CNIH3: variants seen among roughly 807,000 people sequenced by gnomAD.
CNIH3 encodes cornichon family AMPA receptor auxiliary protein 3.
CNIH3 carries 14 observed loss-of-function variants against 24.1 expected under a neutral mutation model. The ratio of observed to expected loss-of-function variants is 0.58; its 90% CI spans 0.38 to 0.91. The LOEUF is 0.91. CNIH3 is among the 40% of genes least tolerant of loss of function. CNIH3 has a pLI of 0.00. For missense variants in CNIH3, 178 were observed against 196.8 expected, an observed-to-expected ratio of 0.90 and a Z score of 0.57; for synonymous variants, 68 against 73.8, an observed-to-expected ratio of 0.92 and a Z score of 0.40.
At chr1:224,435,179 G>T in intron 1 of CNIH3, 8 of 986,460 alleles carry the variant, frequency 8.1e-6, no homozygotes, top group Non-Finnish European at 9.6e-6. Flanking sequence ...TCTCCATCAG[G>T]TGCAGAAGGT....
chr1:224,673,958 G>A (rs554974913), intron 1 of CNIH3, among the ~76,000 whole-genome samples: 6 of 152,288 alleles, frequency 3.9e-5, no homozygotes, highest in Admixed American at 2.0e-4. Context: ...CATCATGCAA[G>A]GTAAAGTACA....
intron 1 of CNIH3, among the ~76,000 whole-genome samples, chr1:224,625,912 G>GCGATCCCA (rs747096331): frequency 2.8e-4 from 43 of 152,144 alleles, no homozygotes; most frequent in Non-Finnish European, 4.0e-4. Context: ...CTTCAAGATA[G>GCGATCCCA]CGATCCCACT....
chr1:224,613,645 G>A (rs142251632), upstream of CNIH3, among the ~76,000 whole-genome samples: 71 of 152,264 alleles, frequency 4.7e-4, no homozygotes, highest in African/African-American at 1.6e-3. Flanking sequence ...TCGCAATAAA[G>A]AGAGTGTTCT....
At chr1:224,519,359 A>C (rs372644774) in intron 1 of CNIH3, among the ~76,000 whole-genome samples, 15 of 152,060 alleles carry the variant, frequency 9.9e-5, no homozygotes, top group African/African-American at 3.4e-4. Context: ...TGAGACTTAC[A>C]CTATTGGCTC....
chr1:224,730,606 T>C (rs942572617), intron 4 of CNIH3, 32 bp downstream of exon 4: 1 of 1,375,662 alleles, frequency 7.3e-7, no homozygotes, highest in African/African-American at 1.4e-5. Context: ...ATATCCTTCG[T>C]CTTTTCTGCC....
At chr1:224,683,049 C>G (rs907651600) in intron 2 of CNIH3, among the ~76,000 whole-genome samples, 3 of 152,218 alleles carry the variant, frequency 2.0e-5, no homozygotes, top group African/African-American at 7.2e-5. Context: ...AGTATATGCT[C>G]TCCGGGAGCT....
chr1:224,507,095 G>C (rs1677952052), intron 1 of CNIH3, among the ~76,000 whole-genome samples: 1 of 152,122 alleles, frequency 6.6e-6, no homozygotes, highest in African/African-American at 2.4e-5. Context: ...AAATTCCTGG[G>C]CTTGAGTGAC....
intron 3 of CNIH3, among the ~76,000 whole-genome samples, chr1:224,688,045 A>T (rs1229177081): frequency 6.6e-6 from 1 of 152,186 alleles, no homozygotes; most frequent in Non-Finnish European, 1.5e-5. Context: ...AGGTTTTTTA[A>T]TGTTAAGGAT....
intron 1 of CNIH3, among the ~76,000 whole-genome samples, chr1:224,493,253 G>A (rs984574610): frequency 3.1e-4 from 47 of 152,226 alleles, no homozygotes; most frequent in African/African-American, 9.9e-4. Flanking sequence ...TGACTGATTC[G>A]TGTAATATAT....
chr1:224,551,124 A>C (rs1463355700), intron 3 of CNIH3, among the ~76,000 whole-genome samples: 1 of 152,026 alleles, frequency 6.6e-6, no homozygotes, highest in African/African-American at 2.4e-5. Flanking sequence ...TGTTGGTGGG[A>C]CTGTAAACTA....
At chr1:224,470,545 C>T (rs1676329732) in intron 1 of CNIH3, among the ~76,000 whole-genome samples, 1 of 152,008 alleles carries the variant, frequency 6.6e-6, no homozygotes, top group South Asian at 2.1e-4. Flanking sequence ...GTCTTCAGCT[C>T]CTGGCCTCAA....
chr1:224,484,661 T>C (rs1241093464), intron 1 of CNIH3, among the ~76,000 whole-genome samples: 1 of 152,172 alleles, frequency 6.6e-6, no homozygotes, highest in African/African-American at 2.4e-5. Flanking sequence ...GTTGCATGTA[T>C]ATTAGGCTGC....
At chr1:224,654,786 C>T (rs1158532174) in intron 1 of CNIH3, among the ~76,000 whole-genome samples, 1 of 152,178 alleles carries the variant, frequency 6.6e-6, no homozygotes, top group African/African-American at 2.4e-5. Flanking sequence ...TGCTTAATAA[C>T]TAGTAACAAG....
At chr1:224,670,482 C>T (rs1024722732) in intron 1 of CNIH3, among the ~76,000 whole-genome samples, 31 of 152,174 alleles carry the variant, frequency 2.0e-4, no homozygotes, top group African/African-American at 7.2e-4. Context: ...ACAGCACAGA[C>T]GGTCCCCACT....
intron 1 of CNIH3, among the ~76,000 whole-genome samples, chr1:224,446,212 G>GTTTTTTTTTTTTTTT (rs35812016): frequency 8.3e-5 from 9 of 108,872 alleles, no homozygotes; most frequent in Non-Finnish European, 1.1e-4. Context: ...TTTCAACTTT[G>GTTTTTTTTTTTTTTT]TTTTTTTTTT....
chr1:224,528,191 G>A (rs1678919734), intron 2 of CNIH3, among the ~76,000 whole-genome samples: 1 of 152,194 alleles, frequency 6.6e-6, no homozygotes, highest in Non-Finnish European at 1.5e-5. Context: ...TTGAGCCTGG[G>A]AGGTCAAGGC....
At chr1:224,657,131 G>C (rs1004245294) in intron 1 of CNIH3, among the ~76,000 whole-genome samples, 1 of 152,064 alleles carries the variant, frequency 6.6e-6, no homozygotes, top group African/African-American at 2.4e-5. Context: ...CATTGCCAGG[G>C]TGGTATGGCT....
At chr1:224,588,838 A>G (rs902214479), downstream of CNIH3, among the ~76,000 whole-genome samples, 4 of 145,938 alleles carry the variant, frequency 2.7e-5, no homozygotes, top group Non-Finnish European at 6.0e-5. Context: ...TTTGGATAAT[A>G]AGGACCAGCT....
intron 1 of CNIH3, among the ~76,000 whole-genome samples, chr1:224,464,768 G>T (rs780147987): frequency 4.6e-5 from 7 of 152,040 alleles, no homozygotes; most frequent in Non-Finnish European, 8.8e-5. Context: ...TCTTCCAGCT[G>T]TATTCTTCTT....
Sources: allele counts gnomAD v4.1 joint callset (sites outside exome capture counted in the v4.1 genomes callset), GRCh38; gene constraint gnomAD v4.1.1; transcripts MANE v1.5; gene names NCBI Gene and HGNC (gene_info 2026-07-23, HGNC 2026-07-21).